SEMA4F: variants seen among roughly 807,000 people sequenced by gnomAD.
SEMA4F encodes ssemaphorin 4F, also known as semaphorin-4F.
A neutral mutation model predicts 78.4 loss-of-function variants in SEMA4F; 51 were observed. The observed-to-expected ratio is 0.65, with a 90% confidence interval of 0.52 to 0.82. SEMA4F has a LOEUF of 0.82. SEMA4F is among the 40% of genes least tolerant of loss of function. The pLI is 0.00. For missense variants in SEMA4F, 938 were observed against 1,014.4 expected (o/e 0.92, Z 1.02); for synonymous variants, 418 against 408.7 (o/e 1.02, Z -0.27).
intron 5 of SEMA4F, among the ~76,000 whole-genome samples, chr2:74,666,087 T>C (rs1684683069): frequency 1.3e-5 from 2 of 152,108 alleles, no homozygotes; most frequent in Non-Finnish European, 2.9e-5. Flanking sequence ...TTTGTATTTT[T>C]AGTAGAGATG....
At chr2:74,655,056 C>G (rs564596948) in intron 1 of SEMA4F, among the ~76,000 whole-genome samples, 28 of 152,306 alleles carry the variant, frequency 1.8e-4, no homozygotes, top group African/African-American at 6.0e-4. Flanking sequence ...CCTATCAGTT[C>G]TATACATCAT....
chr2:74,697,445 C>G, the SEMA4F span, among the ~76,000 whole-genome samples: 1 of 152,088 alleles, frequency 6.6e-6, no homozygotes, highest in Non-Finnish European at 1.5e-5. Flanking sequence ...CAAAGTAATC[C>G]TGGAGAAGTG....
the SEMA4F span, among the ~76,000 whole-genome samples, chr2:74,692,390 G>A: frequency 1.3e-5 from 2 of 152,238 alleles, no homozygotes; most frequent in East Asian, 3.9e-4. Context: ...ACATATGGGG[G>A]ACATTTAAGG....
In SEMA4F at chr2:74,675,004, A is replaced by G; in HGVS notation, c.1118A>G (p.Asp373Gly). ...HDCNRGLPVV[D>G]NDVPQPRPGE... Reference sequence around the variant, plus strand: ...TGCAACAGAGGACTGCCTGTCGTGGACAATGATGTGCCCCAGCCCAGACCT... The same window carrying G: ...TGCAACAGAGGACTGCCTGTCGTGGGCAATGATGTGCCCCAGCCCAGACCT... The change falls in exon 9 of 14, where the codon GAC (aspartate) becomes GGC (glycine). Residue 373 changes from aspartate to glycine, a missense_variant. Transcript: ENST00000357877. 6.2e-7 allele frequency: 1 copy of G among 1,613,994 alleles called. No homozygotes were observed. Among genetic ancestry groups the G allele is most frequent in the Non-Finnish European group, 8.5e-7 (1 of 1,180,006 alleles).
chr2:74,663,833 AC>A (rs1684545750), intron 5 of SEMA4F, among the ~76,000 whole-genome samples: 1 of 152,192 alleles, frequency 6.6e-6, no homozygotes, highest in Admixed American at 6.5e-5. Flanking sequence ...AGGGGACAAA[AC>A]ATCCAAGCCA....
chr2:74,674,538 C>G lies in SEMA4F; in HGVS notation c.863C>G (p.Thr288Arg), dbSNP rs763645984. ...CGGAAGACCCTCCAGCAGAGATGGA[C>G]GACGTTTTTGAAAGCTGACCTGCTC... ...GGRKTLQQRW[T>R]TFLKADLLCP... Residue 288 changes from threonine to arginine, a missense_variant, in exon 8 of 14, where the codon ACG becomes AGG. Thr to Arg is a moderately conservative substitution (Grantham distance 71, BLOSUM62 -1). Transcript: ENST00000357877. The G allele has an allele frequency of 1.2e-6, 2 of 1,613,884 alleles. No individual in the cohort carries two copies. The highest frequency in any genetic ancestry group is 8.5e-7 in the Non-Finnish European group (1 of 1,179,988).
chr2:74,665,378 T>C (rs1423626607), intron 5 of SEMA4F, among the ~76,000 whole-genome samples: 1 of 151,656 alleles, frequency 6.6e-6, no homozygotes, highest in Admixed American at 6.6e-5. Context: ...TACAGGCGCG[T>C]GTCACCATGC....
chr2:74,687,225 T>C (rs1053211571), downstream of SEMA4F, among the ~76,000 whole-genome samples: 24 of 152,346 alleles, frequency 1.6e-4, no homozygotes, highest in African/African-American at 5.8e-4. Context: ...TGTTCCCAAC[T>C]AGGGAGAACT....
chr2:74,703,043 C>G, the SEMA4F span, among the ~76,000 whole-genome samples: 1 of 152,136 alleles, frequency 6.6e-6, no homozygotes, highest in African/African-American at 2.4e-5. Context: ...AGGCACTGCT[C>G]TAAATGCTGA....
chr2:74,697,258 G>A, the SEMA4F span, among the ~76,000 whole-genome samples: 1 of 152,210 alleles, frequency 6.6e-6, no homozygotes, highest in African/African-American at 2.4e-5. Context: ...CATGCTGGGT[G>A]ACATGGAAAA....
chr2:74,697,326 A>G, the SEMA4F span, among the ~76,000 whole-genome samples: 1 of 152,240 alleles, frequency 6.6e-6, no homozygotes, highest in Non-Finnish European at 1.5e-5. Flanking sequence ...CCAGAGTATC[A>G]GTGTCTGTCA....
chr2:74,668,972 T>C (rs1331114041), intron 5 of SEMA4F, among the ~76,000 whole-genome samples: 1 of 146,386 alleles, frequency 6.8e-6, no homozygotes, highest in Admixed American at 6.8e-5. Flanking sequence ...TTAAAACTAA[T>C]GTACAAGGCT....
At position 74,679,626 on chromosome 2, in the gene SEMA4F, T is replaced by C; in HGVS notation, c.1730T>C (p.Val577Ala). 6.2e-7 allele frequency: 1 copy of C among 1,606,020 alleles called. No individual in the cohort carries two copies. Among genetic ancestry groups the C allele is most frequent in the Admixed American group, 1.7e-5 (1 of 59,850 alleles). Reference sequence around the variant, plus strand: ...CGTCCAGTAGTGTTTGAAGTTCCCGTGGCTACAGCTGCGCATGTGGTCTTG... The same window carrying C: ...CGTCCAGTAGTGTTTGAAGTTCCCGCGGCTACAGCTGCGCATGTGGTCTTG... ...GERPVVFEVPVATAAHVVLPC... is the reference protein window; with the variant it reads ...GERPVVFEVPAATAAHVVLPC... Residue 577 changes from valine to alanine, a missense_variant, in exon 14 of 14, where the codon GTG (valine) becomes GCG (alanine). Coordinates refer to ENST00000357877, the MANE Select transcript of SEMA4F (RefSeq NM_004263.5).
chr2:74,696,750 A>G, the SEMA4F span, among the ~76,000 whole-genome samples: 1 of 152,254 alleles, frequency 6.6e-6, no homozygotes, highest in Admixed American at 6.5e-5. Flanking sequence ...GAAAAAATTA[A>G]AATATTAAAA....
Position 74,675,787 on chromosome 2 carries a change from A to G in SEMA4F, c.1521A>G (p.Gln507=). 1 of 1,614,200 alleles carries G rather than the reference A, an allele frequency of 6.2e-7. No individual in the cohort carries two copies. Among genetic ancestry groups the G allele is most frequent in the Non-Finnish European group, 8.5e-7 (1 of 1,180,034 alleles). The change falls in exon 12 of 14, where the codon CAA becomes CAG. Residue 507 remains glutamine (Q), a synonymous_variant. Transcript: ENST00000357877. Reference sequence around the variant, plus strand: ...TTGGCTCCCGTACTGAGGTGACACAAGTGAATACAACCAACTGTGGCCGTC... The same window carrying G: ...TTGGCTCCCGTACTGAGGTGACACAGGTGAATACAACCAACTGTGGCCGTC... The part of the protein sequence containing the change: ...LLVGSRTEVT[Q]VNTTNCGRLQ...
chr2:74,662,734 T>A lies in SEMA4F; in HGVS notation c.459T>A (p.Asp153Glu), dbSNP rs200824400. The A allele has an allele frequency of 3.1e-6, 5 of 1,613,728 alleles. No homozygotes were observed. In the East Asian group the frequency reaches 1.1e-4, roughly 36 times the overall value. Residue 153 changes from aspartate to glutamate, a missense_variant and splice_region_variant, in exon 5 of 14, where the codon GAT (aspartate) becomes GAA (glutamate). Transcript: ENST00000357877. ...FAFDPKCGVI[D>E]VSRFQQVERL... ...AATTGCCCCCTTCTGGTCTATAGGA[T>A]GTGTCCAGGTTCCAGCAGGTTGAAA...
intron 5 of SEMA4F, among the ~76,000 whole-genome samples, chr2:74,668,532 T>C (rs1415662414): frequency 1.3e-5 from 2 of 151,620 alleles, no homozygotes; most frequent in African/African-American, 4.8e-5. Context: ...GAGTAGGAGC[T>C]ATCTATCCTG....
At chr2:74,673,977 T>TACG in intron 7 of SEMA4F, 149 bp downstream of exon 7, 11 of 951,766 alleles carry the variant, frequency 1.2e-5, no homozygotes, top group Admixed American at 4.8e-5. Context: ...TTGAGGAATG[T>TACG]GAGAGAGAGG....
At chr2:74,696,904 T>C in the SEMA4F span, among the ~76,000 whole-genome samples, 2 of 152,244 alleles carry the variant, frequency 1.3e-5, no homozygotes, top group African/African-American at 4.8e-5. Flanking sequence ...TCTCTATTTA[T>C]GGACCCTGGG....
Sources: gnomAD v4.1 joint callset for allele counts (sites outside exome capture counted in the v4.1 genomes callset) on GRCh38, gnomAD v4.1.1 for gene constraint, MANE v1.5 for transcripts, NCBI Gene and HGNC (gene_info 2026-07-23, HGNC 2026-07-21) for gene names.